Variants in TNPO2 observed in about 807,000 individuals in gnomAD.
The protein encoded by TNPO2 is transportin 2, also known as transportin-2.
In TNPO2, 16 loss-of-function variants were observed where a neutral mutation model predicts 111.1. That is an observed-to-expected ratio of 0.14 (90% CI 0.10 to 0.22). TNPO2 has a LOEUF of 0.22. TNPO2 is among the 10% of genes least tolerant of loss of function. TNPO2 has a pLI of 1.00. For synonymous variants in TNPO2, 481 were observed against 475.8 expected (o/e 1.01, Z -0.14); for missense variants, 530 against 1,173.7 (o/e 0.45, Z 8.01).
intron 18 of TNPO2, 40 bp from the exon 19 acceptor site, chr19:12,703,841 CCTT>C (rs1380303993): frequency 3.9e-6 from 6 of 1,527,034 alleles, no homozygotes; most frequent in African/African-American, 1.4e-5. Flanking sequence ...AGGCTCCCCT[CCTT>C]CTAACCAGGA....
At chr19:12,720,182 T>G (rs1244623817) in intron 3 of TNPO2, among the ~76,000 whole-genome samples, 1 of 149,178 alleles carries the variant, frequency 6.7e-6, no homozygotes, top group African/African-American at 2.4e-5. Flanking sequence ...ACACCTGGCT[T>G]AATTTTTGTA....
At position 12,701,587 on chromosome 19, in the gene TNPO2, C is replaced by G. The variant is rs1424863596; in HGVS notation, c.2586+11G>C. ...TCCCGGAACTAGATCAGGGCCCAGA[C>G]AGAGCCTCACCTTATAAAACATGTC... On this transcript the variant is annotated intron_variant, in intron 24 of 25. Transcript: ENST00000425528. The surrounding 1 kb of genome is among the most constrained non-coding windows in gnomAD (Gnocchi z 5.0). The G allele has an allele frequency of 6.2e-7, 1 of 1,613,634 alleles. No individual in the cohort carries two copies.
intron 18 of TNPO2, 59 bp from the exon 19 acceptor site, chr19:12,703,860 CA>C (rs1462635818): frequency 6.3e-6 from 9 of 1,423,500 alleles, no homozygotes; most frequent in Non-Finnish European, 8.6e-6. Flanking sequence ...CAGGACAGCT[CA>C]GGGGGCACAG....
Position 12,701,470 on chromosome 19 carries a change from G to A in TNPO2, c.2587-17C>T. 3.1e-6 allele frequency: 5 copies of A among 1,611,392 alleles called. No individual in the cohort carries two copies. The highest frequency in any genetic ancestry group is 4.2e-6 in the Non-Finnish European group (5 of 1,177,650). On this transcript the variant is annotated splice_polypyrimidine_tract_variant and intron_variant, in intron 24 of 25. Transcript: ENST00000425528. This position sits in a 1 kb window ranked among gnomAD's most constrained non-coding sequence, Gnocchi z 5.0. ...GTGGAGAATCTGTGGGGAGGGTGGT[G>A]GTGAGGGGTAGGCAGGGGCAGAACA...
Position 12,721,152 on chromosome 19 carries a change from GC to G in TNPO2, c.-13-163del. Reference sequence around the variant, plus strand: ...CCGCCCAAGTGCGGGGTCCCCGCCAGCTGCGCCATCCTCGGCCGCGCAGTCG... The same window carrying G: ...CCGCCCAAGTGCGGGGTCCCCGCCAGTGCGCCATCCTCGGCCGCGCAGTCG... On this transcript the variant is annotated intron_variant, in intron 2 of 25. Coordinates refer to ENST00000425528, the MANE Select transcript of TNPO2 (RefSeq NM_001382241.1). The surrounding 1 kb of genome is among the most constrained non-coding windows in gnomAD (Gnocchi z 4.9). 3 of 1,431,038 alleles carry G rather than the reference GC, an allele frequency of 2.1e-6. No homozygotes were observed. Among genetic ancestry groups the G allele is most frequent in the Non-Finnish European group, 2.7e-6 (3 of 1,099,570 alleles). The allele number at this position is 1,431,038 out of a possible 1,614,324, so 88.6% of individuals were successfully genotyped here.
Position 12,699,313 on chromosome 19 carries a change from G to A in TNPO2, c.*1951C>T, listed in dbSNP as rs1223623216. On this transcript the variant is annotated 3_prime_UTR_variant, in exon 26 of 26. Transcript: ENST00000425528. ...AACAAATGGACAGACCCGGGAGCCC[G>A]CAGGGGGAAGAGGGTGAGGAGGGAA... The A allele has an allele frequency of 7.0e-6, 3 of 430,638 alleles. No individual in the cohort carries two copies. Among genetic ancestry groups the A allele is most frequent in the African/African-American group, 4.1e-5 (2 of 48,750 alleles). 26.7% of individuals were successfully genotyped at this position (430,638 alleles called of 1,614,324 possible). A position where few individuals can be genotyped will look rare whatever the true frequency, so the allele number is the denominator to read the frequency against.
rs547486803 is a variant in TNPO2 at position 12,701,913 on chromosome 19, G to A, written c.2412-62C>T. On this transcript the variant is annotated intron_variant, in intron 22 of 25. Transcript: ENST00000425528. The surrounding 1 kb of genome is among the most constrained non-coding windows in gnomAD (Gnocchi z 5.0). ...GCTGGGCATGCATCTGTGGAGGGCT[G>A]GGTCACTGGGGATCAGTGAGTGGGC... The A allele has an allele frequency of 1.9e-5, 28 of 1,489,752 alleles. No individual in the cohort carries two copies. In the South Asian group the frequency reaches 2.7e-4, roughly 14 times the overall value. The allele number at this position is 1,489,752 out of a possible 1,614,324, so 92.3% of individuals were successfully genotyped here. A position where few individuals can be genotyped will look rare whatever the true frequency, so the allele number is the denominator to read the frequency against.
Position 12,701,600 on chromosome 19 carries a change from T to G in TNPO2, c.2584A>C (p.Lys862Gln). Residue 862 changes from lysine (K) to glutamine (Q), a missense_variant and splice_region_variant, in exon 24 of 26, where the codon AAG becomes CAG. Transcript: ENST00000425528. The surrounding 1 kb of genome is among the most constrained non-coding windows in gnomAD (Gnocchi z 5.0). ...PKDDLRDMFY[K>Q]ILHGFKDQVG... Reference sequence around the variant, plus strand: ...TCAGGGCCCAGACAGAGCCTCACCTTATAAAACATGTCCCGAAGGTCATCC... The same window carrying G: ...TCAGGGCCCAGACAGAGCCTCACCTGATAAAACATGTCCCGAAGGTCATCC... 1 of 1,613,570 alleles carries G rather than the reference T, an allele frequency of 6.2e-7. No homozygotes were observed. The highest frequency in any genetic ancestry group is 8.5e-7 in the Non-Finnish European group (1 of 1,179,804).
At chr19:12,703,557 G>C (rs368067697) in intron 19 of TNPO2, 31 bp from the exon 20 acceptor site, 67 of 1,609,784 alleles carry the variant, frequency 4.2e-5, no homozygotes, top group Non-Finnish European at 5.5e-5. Context: ...TGCTGAGAAG[G>C]AGGGCCAGCC....
chr19:12,715,175 G>A lies in TNPO2; in HGVS notation c.649-6C>T, dbSNP rs1331714261. 9 of 1,612,242 alleles carry A rather than the reference G, an allele frequency of 5.6e-6. No homozygotes were observed. The highest frequency in any genetic ancestry group is 6.8e-6 in the Non-Finnish European group (8 of 1,178,712). On this transcript the variant is annotated splice_polypyrimidine_tract_variant and splice_region_variant and intron_variant, in intron 8 of 25. Coordinates refer to ENST00000425528, the MANE Select transcript of TNPO2 (RefSeq NM_001382241.1). The surrounding 1 kb of genome is among the most constrained non-coding windows in gnomAD (Gnocchi z 7.1). Reference sequence around the variant, plus strand: ...ACAGCCAGGGCAAATAGGTGCTGCAGGGAGGAACAGGGTCAGTTGTAGGGG... The same window carrying A: ...ACAGCCAGGGCAAATAGGTGCTGCAAGGAGGAACAGGGTCAGTTGTAGGGG...
intron 11 of TNPO2, 26 bp downstream of exon 11, chr19:12,711,527 C>G (rs368850564): frequency 6.2e-7 from 1 of 1,613,842 alleles, no homozygotes; most frequent in Non-Finnish European, 8.5e-7. Context: ...CCCATGCCCA[C>G]CCATGCTGGG....
intron 10 of TNPO2, among the ~76,000 whole-genome samples, chr19:12,712,143 C>T (rs1790015463): frequency 6.6e-6 from 1 of 152,170 alleles, no homozygotes; most frequent in Admixed American, 6.5e-5. Context: ...GCTGAGGGGA[C>T]ATAGTGAGGT....
chr19:12,702,781 A>G lies in TNPO2; in HGVS notation c.2305+42T>C. On this transcript the variant is annotated intron_variant, in intron 21 of 25. Transcript: ENST00000425528. This position sits in a 1 kb window ranked among gnomAD's most constrained non-coding sequence, Gnocchi z 5.5. ...CCCAGCCCAGAACCCCACCTCCAGA[A>G]GGCAGGCAGGGGTGCAGGCAGCAGC... 3 of 1,570,898 alleles carry G rather than the reference A, an allele frequency of 1.9e-6. No individual in the cohort carries two copies. The East Asian group carries it at 6.7e-5, about 35-fold the overall frequency.
At chr19:12,703,199 A>T (rs2025429295) in intron 20 of TNPO2, 2 of 592,406 alleles carry the variant, frequency 3.4e-6, no homozygotes, top group South Asian at 4.3e-5. Context: ...TCACCCAACC[A>T]ATCCGAATGA....
intron 2 of TNPO2, among the ~76,000 whole-genome samples, chr19:12,723,040 C>T (rs2145644317): frequency 6.6e-6 from 1 of 152,246 alleles, no homozygotes; most frequent in South Asian, 2.1e-4. Flanking sequence ...TCTTTATACC[C>T]CAGAGACAAA....
chr19:12,718,074 G>A (rs977726031), intron 5 of TNPO2, among the ~76,000 whole-genome samples: 7 of 151,410 alleles, frequency 4.6e-5, no homozygotes, highest in African/African-American at 1.5e-4. Context: ...CCGCAATCTC[G>A]GCTCACTGCA....
chr19:12,721,376 G>T lies in TNPO2; in HGVS notation c.-13-386C>A. ...GGCCCAGCCGCCTCCACATCCAGGG[G>T]CCCCGCCCCAGACCGTGATAGCGCC... is the stretch of plus-strand genomic sequence containing the variant. On this transcript the variant is annotated intron_variant, in intron 2 of 25. Coordinates refer to ENST00000425528, the MANE Select transcript of TNPO2 (RefSeq NM_001382241.1). This position sits in a 1 kb window ranked among gnomAD's most constrained non-coding sequence, Gnocchi z 4.9. 1 of 1,144,362 alleles carries T rather than the reference G, an allele frequency of 8.7e-7. No homozygotes were observed. The highest frequency in any genetic ancestry group is 1.2e-6 in the Non-Finnish European group (1 of 867,450). The allele number at this position is 1,144,362 out of a possible 1,614,324, so 70.9% of individuals were successfully genotyped here.
Position 12,702,422 on chromosome 19 carries a change from T to A in TNPO2, c.2306-245A>T. The A allele has an allele frequency of 1.5e-6, 1 of 647,820 alleles. No individual in the cohort carries two copies. The highest frequency in any genetic ancestry group is 2.8e-6 in the Non-Finnish European group (1 of 352,248). The allele number at this position is 647,820 out of a possible 1,614,324, so 40.1% of individuals were successfully genotyped here. A position where few individuals can be genotyped will look rare whatever the true frequency, so the allele number is the denominator to read the frequency against. On this transcript the variant is annotated intron_variant, in intron 21 of 25. Coordinates refer to ENST00000425528, the MANE Select transcript of TNPO2 (RefSeq NM_001382241.1). This position sits in a 1 kb window ranked among gnomAD's most constrained non-coding sequence, Gnocchi z 5.5. ...GTTTTGTTTTGTTTTTGAGATGGAG[T>A]CTTGCTCTGTTGCCCAGGCTGGAGT...
rs960076405 is a variant in TNPO2, at chr19:12,719,568, C to T, written c.100-232G>A. Among the ~76,000 whole-genome samples the T allele has an allele frequency of 6.6e-6, 1 of 152,080 alleles. No individual in the cohort carries two copies. Among genetic ancestry groups the T allele is most frequent in the Non-Finnish European group, 1.5e-5 (1 of 68,006 alleles). On this transcript the variant is annotated intron_variant, in intron 3 of 25. Coordinates refer to ENST00000425528, the MANE Select transcript of TNPO2 (RefSeq NM_001382241.1). This position sits in a 1 kb window ranked among gnomAD's most constrained non-coding sequence, Gnocchi z 5.0. Reference sequence around the variant, plus strand: ...CCCAGCACTTTTTGGGAGGTCAAGGCGGGTGGATCACAAGGTCAGGAGTTC... The same window carrying T: ...CCCAGCACTTTTTGGGAGGTCAAGGTGGGTGGATCACAAGGTCAGGAGTTC...
Sources: allele counts gnomAD v4.1 joint callset (sites outside exome capture counted in the v4.1 genomes callset), GRCh38; gene constraint gnomAD v4.1.1; non-coding constraint Gnocchi (gnomAD v3.1); transcripts MANE v1.5; gene names NCBI Gene and HGNC (gene_info 2026-07-23, HGNC 2026-07-21).